LAPTM4B: variants seen among roughly 807,000 people sequenced by gnomAD.
The protein encoded by LAPTM4B is lysosomal protein transmembrane 4 beta.
Under a neutral mutation model 28.5 loss-of-function variants are expected in LAPTM4B, and 26 were observed. The ratio of observed to expected loss-of-function variants is 0.91; its 90% CI spans 0.67 to 1.27. The LOEUF (loss-of-function observed/expected upper bound fraction) is 1.27, where lower values mean the gene tolerates loss of function less well. Ranked by LOEUF, LAPTM4B falls within the 50% of genes most tolerant of loss-of-function variation. LAPTM4B has a pLI of 0.00. For missense variants in LAPTM4B, 288 were observed against 285.8 expected, an observed-to-expected ratio of 1.01 and a Z score of -0.06; for synonymous variants, 109 against 106.4, an observed-to-expected ratio of 1.02 and a Z score of -0.15.
intron 5 of LAPTM4B, among the ~76,000 whole-genome samples, chr8:97,822,530 T>TTATTTATGTATTTATG (rs1272043290): frequency 1.3e-4 from 9 of 69,702 alleles, no homozygotes; most frequent in Admixed American, 4.9e-4. Flanking sequence ...GACTTCTATT[T>TTATTTATGTATTTATG]TATTTATTTA....
intron 1 of LAPTM4B, among the ~76,000 whole-genome samples, chr8:97,780,626 C>T (rs957750442): frequency 1.3e-5 from 2 of 151,860 alleles, no homozygotes; most frequent in African/African-American, 4.8e-5. Context: ...TTACATATTC[C>T]TGGTGAGGTA....
intron 1 of LAPTM4B, among the ~76,000 whole-genome samples, chr8:97,781,414 A>G (rs778505264): frequency 1.4e-4 from 21 of 148,828 alleles, no homozygotes; most frequent in Non-Finnish European, 3.0e-4. Flanking sequence ...AGTAGCTGGT[A>G]TTACAGGCAC....
chr8:97,813,254 C>T (rs1214640021), intron 2 of LAPTM4B, among the ~76,000 whole-genome samples: 2 of 152,210 alleles, frequency 1.3e-5, no homozygotes, highest in Non-Finnish European at 2.9e-5. Flanking sequence ...CCGGAGAGCC[C>T]CTGGAAAACC....
chr8:97,829,964 G>A (rs1817154073), intron 6 of LAPTM4B, among the ~76,000 whole-genome samples: 3 of 152,042 alleles, frequency 2.0e-5, no homozygotes, highest in Admixed American at 2.0e-4. Flanking sequence ...TAATGTGCTG[G>A]GATTACAGGC....
At chr8:97,815,163 A>G (rs1314827135) in intron 2 of LAPTM4B, 165 bp from the exon 3 acceptor site, 5 of 607,770 alleles carry the variant, frequency 8.2e-6, no homozygotes, top group Admixed American at 2.8e-5. Context: ...AAAAATCTGT[A>G]AACCAATATC....
intron 1 of LAPTM4B, among the ~76,000 whole-genome samples, chr8:97,787,727 A>G (rs2513946): frequency 1 from 152,004 of 152,346 alleles, 75,839 homozygotes; most frequent in Middle Eastern, 1. Flanking sequence ...CAAACACATC[A>G]ATTTACAATT....
Position 97,851,696 on chromosome 8 carries a change from A to T in LAPTM4B, c.*222A>T. 1 of 575,040 alleles carries T rather than the reference A, an allele frequency of 1.7e-6. No individual in the cohort carries two copies. Among genetic ancestry groups the T allele is most frequent in the Non-Finnish European group, 3.1e-6 (1 of 324,110 alleles). The allele number at this position is 575,040 out of a possible 1,614,324, so 35.6% of individuals were successfully genotyped here. A position where few individuals can be genotyped will look rare whatever the true frequency, so the allele number is the denominator to read the frequency against. On this transcript the variant is annotated 3_prime_UTR_variant, in exon 7 of 7. Transcript: ENST00000521545. Reference sequence around the variant, plus strand: ...TAGAATTCTTCCTGTACGATTGGGGATATAATGGGCTTCACTAACCTTCCC... The same window carrying T: ...TAGAATTCTTCCTGTACGATTGGGGTTATAATGGGCTTCACTAACCTTCCC...
chr8:97,850,357 G>A lies in LAPTM4B; in HGVS notation c.604-1040G>A, dbSNP rs1194805521. Among the ~76,000 whole-genome samples, 3 of 151,598 alleles carry A rather than the reference G, an allele frequency of 2.0e-5. 1 individual carries two copies. Among genetic ancestry groups the A allele is most frequent in the African/African-American group, 7.3e-5 (3 of 40,974 alleles). ...CGCAAACATCTGAGTTCCTGCTGTC[G>A]GATAGGCACTGGCCCACCCTCGAGG... On this transcript the variant is annotated intron_variant, in intron 6 of 6. Transcript: ENST00000521545.
chr8:97,825,011 C>G, intron 5 of LAPTM4B, 47 bp from the exon 6 acceptor site: 1 of 1,026,476 alleles, frequency 9.7e-7, no homozygotes, highest in Non-Finnish European at 1.5e-6. Flanking sequence ...TTCTAAATTA[C>G]CTGCAGTTTG....
chr8:97,839,661 T>C (rs1334510090), intron 6 of LAPTM4B, among the ~76,000 whole-genome samples: 1 of 152,130 alleles, frequency 6.6e-6, no homozygotes, highest in African/African-American at 2.4e-5. Context: ...AGAGGACATC[T>C]AGAGCAGTCA....
At chr8:97,778,536 T>C (rs1221884362) in intron 1 of LAPTM4B, among the ~76,000 whole-genome samples, 5 of 152,100 alleles carry the variant, frequency 3.3e-5, no homozygotes, top group African/African-American at 1.2e-4. Flanking sequence ...GATAAGATAC[T>C]GTGGCAAGCT....
In LAPTM4B at chr8:97,837,492, C is replaced by T. The variant is rs77045669; in HGVS notation, c.603+12339C>T. Among the ~76,000 whole-genome samples, 940 of 152,124 alleles carry T rather than the reference C, an allele frequency of 6.2e-3. 4 individuals carry two copies. Among genetic ancestry groups the T allele is most frequent in the Non-Finnish European group, 7.3e-3 (499 of 67,992 alleles). ...ACTTTTAAAAGCAGGTTATTACTTC[C>T]GAGTATAGTTTGGATATGGTTAGAA... On this transcript the variant is annotated intron_variant, in intron 6 of 6. Coordinates refer to ENST00000521545, the MANE Select transcript of LAPTM4B (RefSeq NM_018407.6).
chr8:97,801,507 T>C (rs913296123), intron 1 of LAPTM4B, among the ~76,000 whole-genome samples: 2 of 152,122 alleles, frequency 1.3e-5, no homozygotes, highest in Non-Finnish European at 2.9e-5. Context: ...ATTCTTCTTA[T>C]TTCGTTTGAT....
chr8:97,789,910 A>G lies in LAPTM4B; in HGVS notation c.99+13802A>G, dbSNP rs112647421. On this transcript the variant is annotated intron_variant, in intron 1 of 6. Transcript: ENST00000521545. ...TCTGGTAACCATCCTTCTACTCTCT[A>G]GCTACGTGAGTTCAATGGTTTAAAG... is the stretch of plus-strand genomic sequence containing the variant. Among the ~76,000 whole-genome samples, 26 of 152,210 alleles carry G rather than the reference A, an allele frequency of 1.7e-4. 1 individual carries two copies. The highest frequency in any genetic ancestry group is 6.0e-4 in the African/African-American group (25 of 41,548).
chr8:97,849,144 C>G (rs532521597), intron 6 of LAPTM4B, among the ~76,000 whole-genome samples: 3 of 152,306 alleles, frequency 2.0e-5, no homozygotes, highest in African/African-American at 7.2e-5. Context: ...TCCTGCTTTC[C>G]TCTTAACTCC....
At position 97,828,577 on chromosome 8, in the gene LAPTM4B, A is replaced by G. The variant is rs543884424; in HGVS notation, c.603+3424A>G. On this transcript the variant is annotated intron_variant, in intron 6 of 6. Transcript: ENST00000521545. ...TTGAGCTCTGTCTTTAAGTTTTTTG[A>G]TATTGTCGTATACAAGGCCTGATTG... is the stretch of plus-strand genomic sequence containing the variant. Among the ~76,000 whole-genome samples the G allele has an allele frequency of 7.9e-5, 12 of 152,156 alleles. No individual in the cohort carries two copies. The East Asian group carries it at 2.1e-3, about 27-fold the overall frequency.
intron 6 of LAPTM4B, among the ~76,000 whole-genome samples, chr8:97,827,011 T>C (rs1431448473): frequency 6.6e-6 from 1 of 152,230 alleles, no homozygotes; most frequent in East Asian, 1.9e-4. Context: ...GTAAATTTCA[T>C]GGCACATAGG....
chr8:97,815,954 C>A, intron 3 of LAPTM4B, 104 bp from the exon 4 acceptor site: 1 of 1,172,274 alleles, frequency 8.5e-7, no homozygotes, highest in Non-Finnish European at 1.2e-6. Context: ...TAATGAATTC[C>A]AATTTTTCCA....
intron 6 of LAPTM4B, among the ~76,000 whole-genome samples, chr8:97,837,160 T>G (rs1049534945): frequency 6.6e-6 from 1 of 151,292 alleles, no homozygotes; most frequent in Non-Finnish European, 1.5e-5. Context: ...TTTCAAAAAT[T>G]GTGCATGAAA....
Sources: gnomAD v4.1 joint callset for allele counts (sites outside exome capture counted in the v4.1 genomes callset) on GRCh38, gnomAD v4.1.1 for gene constraint, MANE v1.5 for transcripts, NCBI Gene and HGNC (gene_info 2026-07-23, HGNC 2026-07-21) for gene names.